Variants in HGSNAT observed in about 807,000 individuals in gnomAD.
HGSNAT encodes the protein transmembrane protein 76.
A neutral mutation model predicts 85.2 loss-of-function variants in HGSNAT; 59 were observed. The ratio of observed to expected loss-of-function variants is 0.69; its 90% CI spans 0.56 to 0.86. The LOEUF is 0.86. Ranked by LOEUF, HGSNAT falls within the 40% of genes least tolerant of loss-of-function variation. The pLI is 0.00. For missense variants in HGSNAT, 756 were observed against 777.1 expected (o/e 0.97, Z 0.32); for synonymous variants, 321 against 304.5 (o/e 1.05, Z -0.56).
At chr8:43,169,281 T>G in intron 6 of HGSNAT, 39 bp downstream of exon 6, 1 of 1,311,666 alleles carries the variant, frequency 7.6e-7, no homozygotes, top group South Asian at 1.5e-5. Flanking sequence ...CCAGGTGGTT[T>G]TCTAAACTTG....
intron 10 of HGSNAT, among the ~76,000 whole-genome samples, chr8:43,179,725 TC>T (rs1803978142): frequency 6.6e-5 from 1 of 15,116 alleles, no homozygotes; most frequent in Non-Finnish European, 1.3e-4. Context: ...CCCCCCCACC[TC>T]CCTCCCGGGC....
chr8:43,150,191 G>C (rs2130689462), intron 2 of HGSNAT, among the ~76,000 whole-genome samples: 1 of 152,200 alleles, frequency 6.6e-6, no homozygotes, highest in Non-Finnish European at 1.5e-5. Flanking sequence ...CTGACCTTGT[G>C]ATCCGCCCGC....
At chr8:43,157,023 C>T (rs1472061213) in intron 2 of HGSNAT, among the ~76,000 whole-genome samples, 1 of 152,036 alleles carries the variant, frequency 6.6e-6, no homozygotes, top group Non-Finnish European at 1.5e-5. Flanking sequence ...ATAGAAGAAA[C>T]AACAAGCCAG....
chr8:43,153,340 C>T (rs961104775), intron 2 of HGSNAT, among the ~76,000 whole-genome samples: 2 of 151,736 alleles, frequency 1.3e-5, no homozygotes, highest in Non-Finnish European at 2.9e-5. Flanking sequence ...TTTTAAAAGG[C>T]AGAATACATT....
chr8:43,163,187 A>G (rs1316445432), intron 5 of HGSNAT, among the ~76,000 whole-genome samples: 2 of 150,068 alleles, frequency 1.3e-5, no homozygotes, highest in Admixed American at 6.7e-5. Context: ...GACTCTCAAG[A>G]AAAAAAAAAG....
chr8:43,143,089 A>G (rs528896452), intron 1 of HGSNAT, among the ~76,000 whole-genome samples: 7 of 152,264 alleles, frequency 4.6e-5, no homozygotes, highest in Non-Finnish European at 8.8e-5. Context: ...GAACTATTTT[A>G]AAACGATGAC....
chr8:43,158,320 G>C (rs1433503709), intron 2 of HGSNAT, among the ~76,000 whole-genome samples: 3 of 152,138 alleles, frequency 2.0e-5, no homozygotes. Flanking sequence ...GGATGGTCTT[G>C]ATTTCCTGAC....
chr8:43,192,371 G>A lies in HGSNAT; in HGVS notation c.1318G>A (p.Gly440Ser). 1 of 1,613,052 alleles carries A rather than the reference G, an allele frequency of 6.2e-7. No individual in the cohort carries two copies. Among genetic ancestry groups the A allele is most frequent in the Non-Finnish European group, 8.5e-7 (1 of 1,179,598 alleles). The change falls in exon 13 of 18, where the codon GGC becomes AGC. Residue 440 changes from glycine to serine, a missense_variant. Coordinates refer to ENST00000379644, the MANE Select transcript of HGSNAT (RefSeq NM_152419.3). The stretch of plus-strand genomic sequence containing the variant: ...TCCAAATTGCACTGGAGGAGCTGCA[G>A]GCTACATCGACCGCCTGCTGCTGGG... ...KYPNCTGGAA[G>S]YIDRLLLGDD... is the part of the protein sequence containing the mutation.
chr8:43,194,354 C>T lies in HGSNAT; in HGVS notation c.1464+511C>T, dbSNP rs553821447. ...TTGAGGCTGCAGTGAGCCTTGATTGCACCACTGCACTCCTGGCTGGGCAAC... is the reference window on the plus strand; with the variant it reads ...TTGAGGCTGCAGTGAGCCTTGATTGTACCACTGCACTCCTGGCTGGGCAAC... On this transcript the variant is annotated intron_variant, in intron 14 of 17. Coordinates refer to ENST00000379644, the MANE Select transcript of HGSNAT (RefSeq NM_152419.3). 3.6e-5 allele frequency: 35 copies of T among 968,482 alleles called. No individual in the cohort carries two copies. The South Asian group carries it at 6.2e-4, about 17-fold the overall frequency. The allele number at this position is 968,482 out of a possible 1,614,324, so 60.0% of individuals were successfully genotyped here.
intron 15 of HGSNAT, 101 bp from the exon 16 acceptor site, chr8:43,197,571 C>T (rs1335216616): frequency 1.2e-6 from 1 of 844,012 alleles, no homozygotes; most frequent in East Asian, 2.4e-5. Flanking sequence ...AGTTTCAGCC[C>T]TCTCTACGTG....
intron 10 of HGSNAT, chr8:43,181,683 AG>A (rs1804129863): frequency 6.2e-6 from 1 of 160,472 alleles, no homozygotes; most frequent in African/African-American, 2.4e-5. Context: ...CAGATAGGGC[AG>A]GGAGGGTCAG....
At chr8:43,147,142 C>T (rs974096238) in intron 2 of HGSNAT, 79 bp downstream of exon 2, 2 of 771,376 alleles carry the variant, frequency 2.6e-6, no homozygotes, top group African/African-American at 1.8e-5. Flanking sequence ...TGTCTAAAGC[C>T]CTTCACAAGT....
intron 8 of HGSNAT, 119 bp from the exon 9 acceptor site, chr8:43,173,594 A>T: frequency 9.3e-7 from 1 of 1,074,620 alleles, no homozygotes; most frequent in Non-Finnish European, 1.4e-6. Context: ...TACGGGCATG[A>T]GTCACTGCGC....
intron 11 of HGSNAT, among the ~76,000 whole-genome samples, chr8:43,182,886 G>T (rs907946019): frequency 2.0e-5 from 3 of 152,106 alleles, no homozygotes; most frequent in Non-Finnish European, 4.4e-5. Context: ...TAATCTTTAT[G>T]TCAATTTTTT....
chr8:43,149,007 T>C (rs1309197268), intron 2 of HGSNAT, among the ~76,000 whole-genome samples: 1 of 151,548 alleles, frequency 6.6e-6, no homozygotes, highest in Non-Finnish European at 1.5e-5. Flanking sequence ...TCCCAGCTAC[T>C]TGGGAGGCTG....
intron 5 of HGSNAT, chr8:43,167,921 TTC>T: frequency 1.1e-5 from 3 of 284,374 alleles, no homozygotes; most frequent in Non-Finnish European, 2.1e-5. Flanking sequence ...TTTTCTTTCT[TTC>T]TTTTTTTTTT....
chr8:43,150,558 G>A (rs998438446), intron 2 of HGSNAT, among the ~76,000 whole-genome samples: 2 of 152,032 alleles, frequency 1.3e-5, no homozygotes, highest in African/African-American at 2.4e-5. Flanking sequence ...TGGAGGCCAG[G>A]CGCGGTGGCT....
intron 11 of HGSNAT, among the ~76,000 whole-genome samples, chr8:43,185,673 T>C (rs1804282693): frequency 6.6e-6 from 1 of 152,242 alleles, no homozygotes; most frequent in Non-Finnish European, 1.5e-5. Context: ...TCCAATCCTA[T>C]GTTGAACAGG....
At chr8:43,188,908 G>A (rs1255872948) in intron 11 of HGSNAT, among the ~76,000 whole-genome samples, 1 of 152,174 alleles carries the variant, frequency 6.6e-6, no homozygotes, top group African/African-American at 2.4e-5. Context: ...GAGTTTGCTG[G>A]AGGTCCACTC....
Sources: gnomAD v4.1 joint callset for allele counts (sites outside exome capture counted in the v4.1 genomes callset) on GRCh38, gnomAD v4.1.1 for gene constraint, MANE v1.5 for transcripts, NCBI Gene and HGNC (gene_info 2026-07-23, HGNC 2026-07-21) for gene names.